The following DST variants were observed in gnomAD, a reference collection of about 807,000 sequenced individuals.
DST encodes the protein bullous pemphigoid antigen.
In DST, 253 loss-of-function variants were observed where a neutral mutation model predicts 875.2. That is an observed-to-expected ratio of 0.29 (90% CI 0.26 to 0.32). DST has a LOEUF of 0.32. Ranked by LOEUF, DST falls within the 10% of genes least tolerant of loss-of-function variation. DST has a pLI of 1.00. For missense variants in DST, 8,287 were observed against 9,111.6 expected, an observed-to-expected ratio of 0.91 and a Z score of 3.68; for synonymous variants, 3,124 against 3,197.1, an observed-to-expected ratio of 0.98 and a Z score of 0.77.
intron 7 of DST, among the ~76,000 whole-genome samples, chr6:56,703,192 G>A (rs2099318161): frequency 6.6e-6 from 1 of 152,116 alleles, no homozygotes; most frequent in Non-Finnish European, 1.5e-5. Context: ...ATTGCCAAGA[G>A]GTGTGGTTTA....
At chr6:56,549,702 T>C (rs1158156860) in intron 61 of DST, among the ~76,000 whole-genome samples, 2 of 152,190 alleles carry the variant, frequency 1.3e-5, no homozygotes, top group Non-Finnish European at 2.9e-5. Flanking sequence ...CTCATATTTC[T>C]CATAGCTGCT....
rs1320382869 is a variant in DST at position 56,458,661 on chromosome 6, T to G, written c.*344A>C. ...AAAAACAGGAAAATGTCATGAGGTA[T>G]CCCTAACGTCAGGGATTGATGTAGT... On this transcript the variant is annotated 3_prime_UTR_variant, in exon 104 of 104. Coordinates refer to ENST00000680361, the MANE Select transcript of DST (RefSeq NM_001374736.1). 1.2e-5 allele frequency: 2 copies of G among 171,032 alleles called. No homozygotes were observed. Among genetic ancestry groups the G allele is most frequent in the Non-Finnish European group, 1.2e-5 (1 of 80,812 alleles). 10.6% of individuals were successfully genotyped at this position (171,032 alleles called of 1,614,324 possible).
chr6:56,839,128 T>C (rs1359234881), intron 4 of DST, among the ~76,000 whole-genome samples: 3 of 152,080 alleles, frequency 2.0e-5, no homozygotes, highest in Non-Finnish European at 2.9e-5. Context: ...GGAACAGCTG[T>C]CCCCTGGAAT....
chr6:56,463,234 C>A, intron 101 of DST, 78 bp from the exon 102 acceptor site: 2 of 801,934 alleles, frequency 2.5e-6, no homozygotes, highest in Non-Finnish European at 4.2e-6. Flanking sequence ...ATATTCATAG[C>A]AAAGAGTCAC....
At chr6:56,635,482 A>C in intron 24 of DST, 107 bp downstream of exon 24, 1 of 1,113,506 alleles carries the variant, frequency 9.0e-7, no homozygotes, top group South Asian at 1.4e-5. Context: ...TAATTGAATT[A>C]GTGGGAAATA....
chr6:56,640,222 AAAG>A lies in DST; in HGVS notation c.2408_2410del (p.Ser803del), dbSNP rs749412641. Reference sequence around the variant, plus strand: ...TTCTTCTGTTAAATTTTGATCCAGCAAAGAAGACTTTAGAAGGGGTTTTCGGAT... The same window carrying A: ...TTCTTCTGTTAAATTTTGATCCAGCAAAGACTTTAGAAGGGGTTTTCGGAT... On this transcript the variant is annotated inframe_deletion, in exon 18 of 104. Transcript: ENST00000680361. The A allele has an allele frequency of 4.3e-6, 7 of 1,614,204 alleles. No individual in the cohort carries two copies. The highest frequency in any genetic ancestry group is 1.6e-4 in the Middle Eastern group (1 of 6,062).
chr6:56,741,087 A>G (rs1025578656), intron 4 of DST, among the ~76,000 whole-genome samples: 1 of 152,222 alleles, frequency 6.6e-6, no homozygotes, highest in Non-Finnish European at 1.5e-5. Context: ...TTCAAGGAAC[A>G]TGAGGTAAAA....
chr6:56,917,761 C>G (rs1057039079), intron 2 of DST, among the ~76,000 whole-genome samples: 9 of 152,290 alleles, frequency 5.9e-5, no homozygotes, highest in Admixed American at 3.9e-4. Context: ...GGAGGGACAG[C>G]TTCTTTTTCA....
rs9396237 is a variant in DST at position 56,906,810 on chromosome 6, C to T, written c.217-6189G>A. On this transcript the variant is annotated intron_variant, in intron 2 of 103. Transcript: ENST00000680361. ...CCTAAATTTTCTTGGTGCAAGACAA[C>T]GAACCCCGGGTATTTACCCCAGATA... Among the ~76,000 whole-genome samples the T allele has an allele frequency of 3.3e-5, 5 of 152,276 alleles. No individual in the cohort carries two copies. In the East Asian group the frequency reaches 5.8e-4, roughly 18 times the overall value.
intron 3 of DST, among the ~76,000 whole-genome samples, chr6:56,883,060 G>A (rs1782976425): frequency 1.3e-5 from 2 of 152,126 alleles, no homozygotes; most frequent in African/African-American, 4.8e-5. Context: ...TAGAGATGGG[G>A]TTTCACCATG....
At chr6:56,780,433 T>C (rs1260785105) in intron 4 of DST, among the ~76,000 whole-genome samples, 1 of 151,520 alleles carries the variant, frequency 6.6e-6, no homozygotes, top group Non-Finnish European at 1.5e-5. Flanking sequence ...TGGTGTGAGA[T>C]GGTATCTCAT....
intron 2 of DST, among the ~76,000 whole-genome samples, chr6:56,936,897 G>C (rs983233618): frequency 7.9e-5 from 12 of 151,726 alleles, no homozygotes; most frequent in African/African-American, 2.9e-4. Flanking sequence ...GCACATAAAA[G>C]TAAAGAAGTG....
At chr6:56,548,085 CA>C (rs751259644) in intron 61 of DST, among the ~76,000 whole-genome samples, 2 of 152,200 alleles carry the variant, frequency 1.3e-5, no homozygotes, top group African/African-American at 4.8e-5. Flanking sequence ...TGGTCTAGAT[CA>C]GGGGTGTCCA....
chr6:56,495,911 G>A (rs181724216), intron 82 of DST, among the ~76,000 whole-genome samples: 158 of 152,020 alleles, frequency 1.0e-3, no homozygotes, highest in East Asian at 5.2e-3. Flanking sequence ...TGATGGTTAC[G>A]CCCTCCTCAA....
chr6:56,505,807 G>C (rs936358842), intron 77 of DST, among the ~76,000 whole-genome samples: 1 of 151,910 alleles, frequency 6.6e-6, no homozygotes, highest in African/African-American at 2.4e-5. Context: ...ACCCGAGTTG[G>C]CCTCAACTGA....
intron 9 of DST, among the ~76,000 whole-genome samples, chr6:56,674,634 A>C (rs2099119345): frequency 5.9e-5 from 9 of 152,132 alleles, no homozygotes; most frequent in Admixed American, 5.2e-4. Context: ...TAATAACAAC[A>C]ACCTATCCAA....
intron 2 of DST, among the ~76,000 whole-genome samples, chr6:56,931,942 G>C (rs1198853910): frequency 6.6e-6 from 1 of 152,170 alleles, no homozygotes; most frequent in African/African-American, 2.4e-5. Flanking sequence ...GCTGAAATGA[G>C]TTAAGACTTT....
Position 56,604,589 on chromosome 6 carries a change from A to G in DST, c.10039T>C (p.Leu3347=), listed in dbSNP as rs1000154761. The part of the protein sequence containing the change: ...SQEKEVQIPE[L]SQVFVEDVKD... Reference sequence around the variant, plus strand: ...ACATCCTCCACAAATACCTGAGACAATTCAGGAATCTGAACCTCCTTTTCT... The same window carrying G: ...ACATCCTCCACAAATACCTGAGACAGTTCAGGAATCTGAACCTCCTTTTCT... The change falls in exon 40 of 104, where the codon TTG becomes CTG. Residue 3347 remains leucine (L), a synonymous_variant. Coordinates refer to ENST00000680361, the MANE Select transcript of DST (RefSeq NM_001374736.1). 56 of 1,611,812 alleles carry G rather than the reference A, an allele frequency of 3.5e-5. No homozygotes were observed. The highest frequency in any genetic ancestry group is 9.9e-5 in the South Asian group (9 of 90,790).
chr6:56,610,383 CT>C (rs769428686), intron 39 of DST, 43 bp downstream of exon 39: 3 of 1,457,060 alleles, frequency 2.1e-6, no homozygotes, highest in Non-Finnish European at 2.8e-6. Flanking sequence ...TGCAATCAAA[CT>C]AAGCTTCTTG....
Sources: allele counts gnomAD v4.1 joint callset (sites outside exome capture counted in the v4.1 genomes callset), GRCh38; gene constraint gnomAD v4.1.1; transcripts MANE v1.5; gene names NCBI Gene and HGNC (gene_info 2026-07-23, HGNC 2026-07-21).